Variants in SSBP4 observed in about 807,000 individuals in gnomAD.
SSBP4 encodes single stranded DNA binding protein 4.
In SSBP4, 33 loss-of-function variants were observed where a neutral mutation model predicts 64.6. The ratio of observed to expected loss-of-function variants is 0.51; its 90% CI spans 0.39 to 0.68. The LOEUF (loss-of-function observed/expected upper bound fraction) is 0.68, where lower values mean the gene tolerates loss of function less well. Ranked by LOEUF, SSBP4 falls within the 30% of genes least tolerant of loss-of-function variation. The pLI is 0.00. For synonymous variants in SSBP4, 243 were observed against 224.0 expected (o/e 1.08, Z -0.76); for missense variants, 583 against 566.8 (o/e 1.03, Z -0.29).
At chr19:18,429,312 A>T (rs1457175559) in intron 4 of SSBP4, among the ~76,000 whole-genome samples, 1 of 151,092 alleles carries the variant, frequency 6.6e-6, no homozygotes, top group Non-Finnish European at 1.5e-5. Context: ...GAAACGCCGG[A>T]GCGCCCAGCC....
intron 4 of SSBP4, 110 bp downstream of exon 4, chr19:18,428,092 T>C (rs2144743780): frequency 8.0e-7 from 1 of 1,245,496 alleles, no homozygotes; most frequent in East Asian, 2.5e-5. Flanking sequence ...CTGGGGATGG[T>C]GGCAGTTTGG....
At chr19:18,429,135 C>A (rs1323847074) in intron 4 of SSBP4, among the ~76,000 whole-genome samples, 1 of 152,288 alleles carries the variant, frequency 6.6e-6, no homozygotes, top group East Asian at 1.9e-4. Context: ...GGGGACTCGT[C>A]ATGCCGGGCC....
chr19:18,432,921 G>A lies in SSBP4; in HGVS notation c.841+38G>A, dbSNP rs752474710. Reference sequence around the variant, plus strand: ...AAGAGGTGGGGGTGTGCTAGGGTGGGTGTGTTTGGGGGAAACCCCGTCACA... The same window carrying A: ...AAGAGGTGGGGGTGTGCTAGGGTGGATGTGTTTGGGGGAAACCCCGTCACA... On this transcript the variant is annotated intron_variant, in intron 13 of 17. Transcript: ENST00000270061. 10 of 1,614,044 alleles carry A rather than the reference G, an allele frequency of 6.2e-6. No individual in the cohort carries two copies. The East Asian group carries it at 2.0e-4, about 32-fold the overall frequency.
chr19:18,409,243 G>A, the SSBP4 span, among the ~76,000 whole-genome samples: 2 of 148,990 alleles, frequency 1.3e-5, no homozygotes, highest in Non-Finnish European at 3.0e-5. Flanking sequence ...CTGGAGTGCA[G>A]TAGTGCGATC....
rs538422723 is a variant in SSBP4 at position 18,433,286 on chromosome 19, G to A, written c.991+73G>A. On this transcript the variant is annotated intron_variant, in intron 15 of 17. Transcript: ENST00000270061. ...CGCTCCCTGGCTGCTTCCCCCTGCC[G>A]TCAGCCCGCCTGCCGGGTGGAGGCG... 7.7e-5 allele frequency: 116 copies of A among 1,509,144 alleles called. No homozygotes were observed. In the African/African-American group the frequency reaches 1.2e-3, roughly 15 times the overall value. The allele number at this position is 1,509,144 out of a possible 1,614,324, so 93.5% of individuals were successfully genotyped here.
upstream of SSBP4, among the ~76,000 whole-genome samples, chr19:18,414,906 C>T (rs1046494447): frequency 6.6e-6 from 1 of 152,148 alleles, no homozygotes; most frequent in Non-Finnish European, 1.5e-5. Context: ...GGCCCAGAGC[C>T]TCTATCTGTG....
rs1169169184 is a variant in SSBP4 at position 18,433,799 on chromosome 19, C to G, written c.1110C>G (p.His370Gln). 3 of 1,442,876 alleles carry G rather than the reference C, an allele frequency of 2.1e-6. No homozygotes were observed. The highest frequency in any genetic ancestry group is 2.7e-6 in the Non-Finnish European group (3 of 1,102,628). 89.4% of individuals were successfully genotyped at this position (1,442,876 alleles called of 1,614,324 possible). ...GEMAAAGTFLHPFPSESYSPG... is the reference protein window; with the variant it reads ...GEMAAAGTFLQPFPSESYSPG... ...TGGCGGCCGCCGGGACCTTCCTGCA[C>G]CCGTTCCCGAGCGAAAGCGTAAGCG... The change falls in exon 17 of 18, where the codon CAC becomes CAG. Residue 370 changes from histidine to glutamine, a missense_variant. His to Gln is a conservative substitution (Grantham distance 24). Around this residue, in one of 5 missense-constraint regions of SSBP4, gnomAD observed 31 missense variants for 58.5 expected, o/e 0.53. Transcript: ENST00000270061.
the SSBP4 span, among the ~76,000 whole-genome samples, chr19:18,406,830 T>A: frequency 6.6e-6 from 1 of 151,938 alleles, no homozygotes; most frequent in African/African-American, 2.4e-5. Flanking sequence ...GAAGTAGGTG[T>A]AATGACCATG....
upstream of SSBP4, among the ~76,000 whole-genome samples, chr19:18,415,258 G>A (rs1171365882): frequency 6.6e-6 from 1 of 152,236 alleles, no homozygotes; most frequent in Non-Finnish European, 1.5e-5. Context: ...CTGGGGAGGG[G>A]TTGCAGGGGG....
chr19:18,403,200 CAT>C, the SSBP4 span, among the ~76,000 whole-genome samples: 3 of 152,220 alleles, frequency 2.0e-5, no homozygotes, highest in Non-Finnish European at 4.4e-5. Flanking sequence ...CCTTTGCTCA[CAT>C]GTTTTCTTGC....
chr19:18,416,691 T>C (rs1018108904), upstream of SSBP4, among the ~76,000 whole-genome samples: 3 of 152,238 alleles, frequency 2.0e-5, no homozygotes, highest in Non-Finnish European at 4.4e-5. Flanking sequence ...GCCTTCGCCG[T>C]GTGCCCACCT....
chr19:18,419,779 G>A, intron 1 of SSBP4, 72 bp downstream of exon 1: 2 of 1,060,740 alleles, frequency 1.9e-6, no homozygotes, highest in Non-Finnish European at 1.2e-6. Context: ...CGGGCACCGC[G>A]CGGGGCACGT....
chr19:18,414,947 G>A (rs1364425668), upstream of SSBP4, among the ~76,000 whole-genome samples: 1 of 152,104 alleles, frequency 6.6e-6, no homozygotes, highest in African/African-American at 2.4e-5. Context: ...TAGTCTTGGG[G>A]TATAATCCCC....
chr19:18,421,183 C>T (rs1054371024), intron 1 of SSBP4, among the ~76,000 whole-genome samples: 2 of 152,244 alleles, frequency 1.3e-5, no homozygotes, highest in African/African-American at 4.8e-5. Context: ...TCTGCCCAGC[C>T]TCTGGGTCAT....
At chr19:18,405,989 T>TAA in the SSBP4 span, among the ~76,000 whole-genome samples, 1 of 125,248 alleles carries the variant, frequency 8.0e-6, no homozygotes. Flanking sequence ...AGACTCCGTC[T>TAA]AAAAAAAAAA....
the SSBP4 span, among the ~76,000 whole-genome samples, chr19:18,407,478 G>A: frequency 4.9e-4 from 75 of 151,954 alleles, no homozygotes; most frequent in Middle Eastern, 3.4e-3. Flanking sequence ...GTGCAGTGGC[G>A]TGATCTGGGC....
chr19:18,413,356 G>C, the SSBP4 span, among the ~76,000 whole-genome samples: 14,010 of 152,006 alleles, frequency 0.092, 2,213 homozygotes, highest in African/African-American at 0.32. Flanking sequence ...TTACATACAG[G>C]CACGCGCCAC....
chr19:18,423,238 C>T lies in SSBP4; in HGVS notation c.59+3531C>T, dbSNP rs757665981. Among the ~76,000 whole-genome samples the T allele has an allele frequency of 4.6e-5, 7 of 152,140 alleles. No homozygotes were observed. Among genetic ancestry groups the T allele is most frequent in the African/African-American group, 1.2e-4 (5 of 41,432 alleles). ...TGCCTGGCAGCTCGTGGGTTTCTCC[C>T]GGGCTTGATTTTGAGCCGGCACATG... is the stretch of plus-strand genomic sequence containing the variant. On this transcript the variant is annotated intron_variant, in intron 1 of 17. Transcript: ENST00000270061. The surrounding 1 kb of genome is among the most constrained non-coding windows in gnomAD (Gnocchi z 4.0).
At chr19:18,403,344 G>A in the SSBP4 span, among the ~76,000 whole-genome samples, 7 of 152,144 alleles carry the variant, frequency 4.6e-5, no homozygotes, top group East Asian at 1.9e-4. Context: ...GCTGAGCGCC[G>A]GTCCCCTGGG....
Sources: gnomAD v4.1 joint callset for allele counts (sites outside exome capture counted in the v4.1 genomes callset) on GRCh38, gnomAD v4.1.1 for gene constraint, gnomAD v4.1.1 regional missense constraint, Gnocchi (gnomAD v3.1) non-coding constraint, MANE v1.5 for transcripts, NCBI Gene and HGNC (gene_info 2026-07-23, HGNC 2026-07-21) for gene names.